Variants in MMP26 observed in about 807,000 individuals in gnomAD.
MMP26 encodes matrix metallopeptidase 26, also known as matrix metalloproteinase-26.
MMP26 carries 33 observed loss-of-function variants against 31.0 expected under a neutral mutation model. That is an observed-to-expected ratio of 1.06 (90% CI 0.81 to 1.42). MMP26 has a LOEUF of 1.42. Among genes scored for constraint, MMP26 ranks in the 40% most tolerant of loss-of-function variants. The pLI, the probability that MMP26 is intolerant of heterozygous loss-of-function variation, is 0.00. For missense variants in MMP26, 347 were observed against 316.1 expected, an observed-to-expected ratio of 1.10 and a Z score of -0.74; for synonymous variants, 122 against 114.9, an observed-to-expected ratio of 1.06 and a Z score of -0.40.
chr11:4,914,551 C>T (rs948212757), intron 2 of MMP26: 8 of 574,086 alleles, frequency 1.4e-5, no homozygotes, highest in South Asian at 7.7e-5. Context: ...TTTACCCCCC[C>T]CTGCCCTGGC....
chr11:4,882,746 C>G (rs1248342100), intron 2 of MMP26: 4 of 1,613,826 alleles, frequency 2.5e-6, no homozygotes, highest in South Asian at 2.2e-5. Context: ...CAATATTTAT[C>G]TGCTCTTACC....
chr11:4,914,975 A>G lies in MMP26; in HGVS notation c.-144-73093A>G. On this transcript the variant is annotated intron_variant, in intron 2 of 7. Transcript: ENST00000380390. ...CTCAGCCCTGGAGGCGATGGACAGCACGGTGCGCAGGATCAGAGCATAAGA... is the reference window on the plus strand; with the variant it reads ...CTCAGCCCTGGAGGCGATGGACAGCGCGGTGCGCAGGATCAGAGCATAAGA... 5.6e-6 allele frequency: 9 copies of G among 1,614,128 alleles called. No homozygotes were observed. The highest frequency in any genetic ancestry group is 1.3e-5 in the African/African-American group (1 of 75,046).
chr11:4,943,860 C>G (rs1469347364), intron 2 of MMP26: 1 of 449,346 alleles, frequency 2.2e-6, no homozygotes, highest in Admixed American at 2.4e-5. Context: ...TTAAGACTGT[C>G]AAAAACCCCT....
At chr11:4,735,760 A>G (rs963130677) in intron 1 of MMP26, among the ~76,000 whole-genome samples, 3 of 151,048 alleles carry the variant, frequency 2.0e-5, no homozygotes, top group African/African-American at 4.9e-5. Context: ...ATAATAGACA[A>G]TAGTTCTAAT....
intron 2 of MMP26, among the ~76,000 whole-genome samples, chr11:4,940,441 T>C (rs1846190755): frequency 6.6e-6 from 1 of 152,200 alleles, no homozygotes; most frequent in Non-Finnish European, 1.5e-5. Context: ...AAACAGAAGA[T>C]GTAATGCAAA....
chr11:4,706,764 C>A (rs974938986), intron 1 of MMP26, among the ~76,000 whole-genome samples: 1 of 152,116 alleles, frequency 6.6e-6, no homozygotes, highest in African/African-American at 2.4e-5. Flanking sequence ...AACAGCATCT[C>A]CCCCATTTTT....
chr11:4,804,431 G>T, intron 2 of MMP26: 1 of 1,351,290 alleles, frequency 7.4e-7, no homozygotes. Context: ...CTCTGCAGAT[G>T]ATAACAATCA....
intron 1 of MMP26, chr11:4,723,773 T>G (rs1472123202): frequency 6.6e-7 from 1 of 1,523,850 alleles, no homozygotes; most frequent in Non-Finnish European, 9.0e-7. Context: ...TCCATGTTGC[T>G]CCGAGCTGTC....
At chr11:4,734,552 C>T (rs1468114152) in intron 1 of MMP26, among the ~76,000 whole-genome samples, 2 of 152,086 alleles carry the variant, frequency 1.3e-5, no homozygotes, top group East Asian at 3.9e-4. Context: ...CGGTGTTTAG[C>T]TTCATCCCAC....
chr11:4,890,953 C>A (rs923057954), intron 2 of MMP26, among the ~76,000 whole-genome samples: 2 of 147,528 alleles, frequency 1.4e-5, no homozygotes, highest in African/African-American at 2.5e-5. Context: ...CTATAGGACC[C>A]CCTTCCCTGA....
At chr11:4,786,268 G>A (rs1016886585) in intron 2 of MMP26, among the ~76,000 whole-genome samples, 1 of 152,086 alleles carries the variant, frequency 6.6e-6, no homozygotes, top group Non-Finnish European at 1.5e-5. Context: ...TAGTAGGAAG[G>A]ACAGTTATCT....
At chr11:4,747,115 G>T (rs1018155651) in intron 1 of MMP26, among the ~76,000 whole-genome samples, 7 of 152,162 alleles carry the variant, frequency 4.6e-5, no homozygotes, top group African/African-American at 1.4e-4. Context: ...CCCTGAGGAA[G>T]TAATCCTTAG....
intron 1 of MMP26, among the ~76,000 whole-genome samples, chr11:4,744,657 TG>T (rs1362037568): frequency 8.5e-5 from 13 of 152,320 alleles, no homozygotes; most frequent in African/African-American, 2.9e-4. Flanking sequence ...TCTGATAAAT[TG>T]TATTTGCTTG....
At chr11:4,757,803 GA>G (rs368562522) in intron 1 of MMP26, among the ~76,000 whole-genome samples, 90 of 127,124 alleles carry the variant, frequency 7.1e-4, no homozygotes, top group African/African-American at 1.6e-3. Context: ...GAAAAAAAGA[GA>G]AAAAAAAAAG....
At chr11:4,880,231 C>T (rs151267895) in intron 2 of MMP26, among the ~76,000 whole-genome samples, 2 of 152,200 alleles carry the variant, frequency 1.3e-5, no homozygotes, top group African/African-American at 4.8e-5. Context: ...GGTTTAGTCC[C>T]TGCTCTGTTA....
intron 2 of MMP26, chr11:4,908,834 C>G (rs1407853784): frequency 6.2e-6 from 1 of 162,064 alleles, no homozygotes; most frequent in Non-Finnish European, 1.4e-5. Context: ...GTTGGAATGC[C>G]AATTTCTTCT....
intron 2 of MMP26, among the ~76,000 whole-genome samples, chr11:4,953,001 C>A (rs1846388982): frequency 8.1e-6 from 1 of 123,660 alleles, no homozygotes; most frequent in African/African-American, 2.8e-5. Flanking sequence ...CTTGATTCAA[C>A]GAGTGGGTAA....
intron 2 of MMP26, chr11:4,821,780 T>C: frequency 6.2e-7 from 1 of 1,613,648 alleles, no homozygotes; most frequent in Non-Finnish European, 8.5e-7. Flanking sequence ...CTACTGGCCA[T>C]GGCCTTTGAT....
chr11:4,715,556 ATATTTGGT>A (rs1847919177), intron 1 of MMP26, among the ~76,000 whole-genome samples: 2 of 152,210 alleles, frequency 1.3e-5, no homozygotes, highest in Non-Finnish European at 2.9e-5. Context: ...AGAACTTGCT[ATATTTGGT>A]AGTTTGGTGA....
Sources: allele counts gnomAD v4.1 joint callset (sites outside exome capture counted in the v4.1 genomes callset), GRCh38; gene constraint gnomAD v4.1.1; transcripts MANE v1.5; gene names NCBI Gene and HGNC (gene_info 2026-07-23, HGNC 2026-07-21).